The following MYH13 variants were observed in gnomAD, a reference collection of about 807,000 sequenced individuals.
MYH13 encodes myosin-13.
A neutral mutation model predicts 232.1 loss-of-function variants in MYH13; 177 were observed. The observed-to-expected ratio is 0.76, with a 90% confidence interval of 0.67 to 0.86. MYH13 has a LOEUF of 0.86. Among genes scored for constraint, MYH13 ranks in the 40% least tolerant of loss-of-function variants. The probability of loss-of-function intolerance (pLI) is 0.00; values close to 1 mark genes in which losing one functional copy is unlikely to be tolerated. For missense variants in MYH13, 2,246 were observed against 2,405.9 expected (o/e 0.93, Z 1.39); for synonymous variants, 884 against 923.5 (o/e 0.96, Z 0.78).
At chr17:10,335,490 C>T (rs1597382285) in intron 18 of MYH13, among the ~76,000 whole-genome samples, 1 of 152,166 alleles carries the variant, frequency 6.6e-6, no homozygotes, top group Non-Finnish European at 1.5e-5. Context: ...CGATGGCTCA[C>T]GCTTGTAATC....
At position 10,306,269 on chromosome 17, in the gene MYH13, T is replaced by TGTGTGTGTGTGTG. The variant is rs1906282710; in HGVS notation, c.5466+189_5466+190insCACACACACACAC. ...GTGTGTGTGTGTGTGTGTGTGTGTG[T>TGTGTGTGTGTGTG]TTTGGGGCATAGGAACAGGTGAAAC... On this transcript the variant is annotated intron_variant, in intron 37 of 40. Transcript: ENST00000252172. This position sits in a 1 kb window ranked among gnomAD's most constrained non-coding sequence, Gnocchi z 4.3. Among the ~76,000 whole-genome samples the TGTGTGTGTGTGTG allele has an allele frequency of 4.0e-4, 57 of 141,570 alleles. No individual in the cohort carries two copies. The highest frequency in any genetic ancestry group is 7.0e-4 in the South Asian group (3 of 4,284). 92.9% of individuals were successfully genotyped at this position (141,570 alleles called of 152,430 possible).
intron 29 of MYH13, among the ~76,000 whole-genome samples, chr17:10,314,287 T>G (rs1441301463): frequency 6.6e-6 from 1 of 152,076 alleles, no homozygotes. Context: ...TGGTGGCACA[T>G]GCACGTAATC....
Position 10,355,156 on chromosome 17 carries a change from T to C in MYH13, c.739-9A>G, listed in dbSNP as rs1213000166. 3.2e-6 allele frequency: 5 copies of C among 1,566,564 alleles called. No individual in the cohort carries two copies. The Admixed American group carries it at 9.5e-5, about 30-fold the overall frequency. On this transcript the variant is annotated splice_polypyrimidine_tract_variant and intron_variant, in intron 8 of 40. Coordinates refer to ENST00000252172, the MANE Select transcript of MYH13 (RefSeq NM_003802.3). Reference sequence around the variant, plus strand: ...ATCCGAATGAACTTCCCCTGTCCAATAACAGGTGGACAAATGTTACGGTTA... The same window carrying C: ...ATCCGAATGAACTTCCCCTGTCCAACAACAGGTGGACAAATGTTACGGTTA...
chr17:10,322,845 G>A (rs1357173617), intron 23 of MYH13, among the ~76,000 whole-genome samples: 2 of 152,062 alleles, frequency 1.3e-5, no homozygotes, highest in South Asian at 2.1e-4. Context: ...ATGTTAGCCA[G>A]GATGGTCTCG....
At chr17:10,355,194 G>T (rs768858773) in intron 8 of MYH13, 47 bp from the exon 9 acceptor site, 2 of 1,542,468 alleles carry the variant, frequency 1.3e-6, no homozygotes, top group Non-Finnish European at 1.8e-6. Flanking sequence ...TGATTTATAT[G>T]GTTTTGTGGC....
In MYH13 at chr17:10,306,745, A is replaced by G; in HGVS notation, c.5296-116T>C. 6.5e-7 allele frequency: 1 copy of G among 1,530,070 alleles called. No individual in the cohort carries two copies. The highest frequency in any genetic ancestry group is 8.8e-7 in the Non-Finnish European group (1 of 1,139,456). The allele number at this position is 1,530,070 out of a possible 1,614,324, so 94.8% of individuals were successfully genotyped here. A position where few individuals can be genotyped will look rare whatever the true frequency, so the allele number is the denominator to read the frequency against. On this transcript the variant is annotated intron_variant, in intron 36 of 40. Transcript: ENST00000252172. This position sits in a 1 kb window ranked among gnomAD's most constrained non-coding sequence, Gnocchi z 4.3. ...GAGCCTCCCCTGTCTGACTGGGGCC[A>G]GTCATTGCTGATTCCCCACAGCCTC... is the stretch of plus-strand genomic sequence containing the variant.
intron 39 of MYH13, among the ~76,000 whole-genome samples, chr17:10,302,284 G>A (rs1263383949): frequency 6.6e-6 from 1 of 152,112 alleles, no homozygotes; most frequent in Non-Finnish European, 1.5e-5. Flanking sequence ...AGGGAAGGGA[G>A]GAAAAAGAGC....
chr17:10,321,534 C>T lies in MYH13; in HGVS notation c.3109G>A (p.Asp1037Asn). 1 of 1,610,818 alleles carries T rather than the reference C, an allele frequency of 6.2e-7. No homozygotes were observed. ...GCATAGTAGTAAAATATCCTCACAT[C>T]ATCTGTTTGCTGTTCAAGCTTGGCA... The part of the protein sequence containing the change: ...INAKLEQQTD[D>N]LEGSLEQEKK... Residue 1037 changes from aspartate to asparagine, a missense_variant and splice_region_variant, in exon 24 of 41, where the codon GAT (aspartate) becomes AAT (asparagine). Asp to Asn is a conservative substitution (Grantham distance 23). Transcript: ENST00000252172.
chr17:10,360,120 C>T, intron 6 of MYH13, 41 bp downstream of exon 6: 2 of 1,614,044 alleles, frequency 1.2e-6, no homozygotes, highest in Non-Finnish European at 1.7e-6. Flanking sequence ...AGGGAGGGCA[C>T]TGGTTTCCAA....
rs1439942509 is a variant in MYH13, at chr17:10,311,915, C to T, written c.4527G>A (p.Leu1509=). 14 of 1,613,814 alleles carry T rather than the reference C, an allele frequency of 8.7e-6. No homozygotes were observed. Among genetic ancestry groups the T allele is most frequent in the Non-Finnish European group, 1.1e-5 (13 of 1,179,900 alleles). Reference sequence around the variant, plus strand: ...CCAGTGGTGGAGACAGCTCACCTTGCAGATTTTTGTTCTCTCGCCTCAGTG... The same window carrying T: ...CCAGTGGTGGAGACAGCTCACCTTGTAGATTTTTGTTCTCTCGCCTCAGTG... ...LETLRRENKN[L]QEEISDLTEQ... Residue 1509 remains leucine, a synonymous_variant, in exon 32 of 41, where the codon CTG becomes CTA. Coordinates refer to ENST00000252172, the MANE Select transcript of MYH13 (RefSeq NM_003802.3).
intron 7 of MYH13, 28 bp downstream of exon 7, chr17:10,359,932 G>A: frequency 6.4e-7 from 1 of 1,572,100 alleles, no homozygotes. Context: ...ATTCCAGTAA[G>A]CCTCCGGATG....
Position 10,306,723 on chromosome 17 carries a change from C to A in MYH13, c.5296-94G>T. ...CGAAGGCTGGGATCATGGTGCTGAG[C>A]CTCCCCTGTCTGACTGGGGCCAGTC... is the stretch of plus-strand genomic sequence containing the variant. On this transcript the variant is annotated intron_variant, in intron 36 of 40. Transcript: ENST00000252172. This position sits in a 1 kb window ranked among gnomAD's most constrained non-coding sequence, Gnocchi z 4.3. 6.4e-7 allele frequency: 1 copy of A among 1,562,492 alleles called. No individual in the cohort carries two copies. The highest frequency in any genetic ancestry group is 1.2e-5 in the South Asian group (1 of 82,966).
Position 10,312,716 on chromosome 17 carries a change from G to C in MYH13, c.4223C>G (p.Thr1408Arg). 6.2e-7 allele frequency: 1 copy of C among 1,613,500 alleles called. No individual in the cohort carries two copies. The highest frequency in any genetic ancestry group is 8.5e-7 in the Non-Finnish European group (1 of 1,179,772). ...TGCGCACTTGGAGTTCGCCGTCTCC[G>C]TGTTCTCCTCTGCTTCCTGGAGCCT... ...AQRLQEAEEN[T>R]ETANSKCASL... Residue 1408 changes from threonine to arginine, a missense_variant, in exon 31 of 41, where the codon ACG becomes AGG. Coordinates refer to ENST00000252172, the MANE Select transcript of MYH13 (RefSeq NM_003802.3).
intron 18 of MYH13, among the ~76,000 whole-genome samples, chr17:10,337,589 T>C (rs926957263): frequency 2.6e-5 from 4 of 152,170 alleles, no homozygotes; most frequent in Non-Finnish European, 4.4e-5. Flanking sequence ...TCTCTAGTCT[T>C]CTAGAAAATA....
chr17:10,339,422 G>A (rs1308658236), intron 18 of MYH13, among the ~76,000 whole-genome samples: 3 of 152,180 alleles, frequency 2.0e-5, no homozygotes, highest in Non-Finnish European at 4.4e-5. Flanking sequence ...TTTATAAACT[G>A]GAGATCAATA....
intron 1 of MYH13, among the ~76,000 whole-genome samples, chr17:10,372,162 A>T (rs1304493836): frequency 6.6e-6 from 1 of 152,212 alleles, no homozygotes; most frequent in African/African-American, 2.4e-5. Flanking sequence ...ACAATTTCTT[A>T]AAAAATTAAA....
At chr17:10,331,257 ACTCC>A (rs1907399668) in intron 20 of MYH13, among the ~76,000 whole-genome samples, 1 of 151,842 alleles carries the variant, frequency 6.6e-6, no homozygotes, top group South Asian at 2.1e-4. Context: ...CACTTCGCCC[ACTCC>A]CTCCATAACA....
intron 12 of MYH13, among the ~76,000 whole-genome samples, chr17:10,348,234 T>C (rs1277402004): frequency 6.6e-6 from 1 of 152,238 alleles, no homozygotes; most frequent in Admixed American, 6.5e-5. Flanking sequence ...CATCCTTCTC[T>C]CTCTTGCCCC....
chr17:10,302,543 TC>T (rs1906129964), intron 39 of MYH13, among the ~76,000 whole-genome samples: 1 of 152,158 alleles, frequency 6.6e-6, no homozygotes, highest in South Asian at 2.1e-4. Context: ...ACTCAGATTT[TC>T]CCAAACGATC....
Sources: allele counts gnomAD v4.1 joint callset (sites outside exome capture counted in the v4.1 genomes callset), GRCh38; gene constraint gnomAD v4.1.1; non-coding constraint Gnocchi (gnomAD v3.1); transcripts MANE v1.5; gene names NCBI Gene and HGNC (gene_info 2026-07-23, HGNC 2026-07-21).